The following CFAP20DC variants were observed in gnomAD, a reference collection of about 807,000 sequenced individuals.
The protein encoded by CFAP20DC is CFAP20 domain containing.
In CFAP20DC, 84 loss-of-function variants were observed where a neutral mutation model predicts 101.7. The ratio of observed to expected loss-of-function variants is 0.83; its 90% CI spans 0.69 to 0.99. The LOEUF (loss-of-function observed/expected upper bound fraction) is 0.99. CFAP20DC is among the 50% of genes least tolerant of loss of function. CFAP20DC has a pLI of 0.00. For missense variants in CFAP20DC, 1,007 were observed against 970.3 expected (o/e 1.04, Z -0.50); for synonymous variants, 359 against 351.2 (o/e 1.02, Z -0.25).
At position 58,884,654 on chromosome 3, in the gene CFAP20DC, G is replaced by A; in HGVS notation, c.606C>T (p.Ser202=). ...TDEPTDIIPR[S]CQLMTDVPHV... is the part of the protein sequence containing the mutation. ...GTGGAACATCTGTCATTAGTTGACA[G>A]CTTCGTGGTATAATATCTGTAGGCT... Residue 202 remains serine, a synonymous_variant, in exon 7 of 17, where the codon AGC becomes AGT. Transcript: ENST00000482387. The A allele has an allele frequency of 6.2e-7, 1 of 1,613,798 alleles. No homozygotes were observed. The highest frequency in any genetic ancestry group is 8.5e-7 in the Non-Finnish European group (1 of 1,179,686).
rs554867111 is a variant in CFAP20DC at position 58,884,807 on chromosome 3, C to A, written c.551-98G>T. ...AATCAATTAAAATTAAAGATTTTAG[C>A]GTATGACTTTGTACGAGTTATTCAA... On this transcript the variant is annotated intron_variant, in intron 6 of 16. Transcript: ENST00000482387. The A allele has an allele frequency of 9.8e-6, 10 of 1,017,012 alleles. No individual in the cohort carries two copies. The African/African-American group carries it at 1.5e-4, about 15-fold the overall frequency. 63.0% of individuals were successfully genotyped at this position (1,017,012 alleles called of 1,614,324 possible). A position where few individuals can be genotyped will look rare whatever the true frequency, so the allele number is the denominator to read the frequency against.
At chr3:58,961,263 C>G (rs1011811954) in intron 4 of CFAP20DC, among the ~76,000 whole-genome samples, 1 of 152,142 alleles carries the variant, frequency 6.6e-6, no homozygotes, top group African/African-American at 2.4e-5. Flanking sequence ...ATGAATAAAA[C>G]TGTGCCTTGG....
At chr3:58,794,386 T>C (rs760344033) in intron 15 of CFAP20DC, 1 of 453,250 alleles carries the variant, frequency 2.2e-6, no homozygotes, top group Non-Finnish European at 4.5e-6. Flanking sequence ...ATAGTGTTAA[T>C]TCAGTCAAAT....
intron 4 of CFAP20DC, among the ~76,000 whole-genome samples, chr3:58,996,773 A>T (rs2093148319): frequency 6.6e-6 from 1 of 152,236 alleles, no homozygotes; most frequent in Non-Finnish European, 1.5e-5. Flanking sequence ...TTGTGGCCCA[A>T]GTTCCTTATC....
At chr3:58,811,922 G>C (rs534084758) in intron 14 of CFAP20DC, among the ~76,000 whole-genome samples, 3 of 152,084 alleles carry the variant, frequency 2.0e-5, no homozygotes, top group Non-Finnish European at 4.4e-5. Context: ...TCTCAAAAGA[G>C]ACATTTATGC....
intron 3 of CFAP20DC, among the ~76,000 whole-genome samples, chr3:58,733,522 C>A (rs1228696483): frequency 6.6e-6 from 1 of 152,102 alleles, no homozygotes; most frequent in East Asian, 1.9e-4. Flanking sequence ...AAAAAAAACC[C>A]TTTAACATAC....
At chr3:58,954,188 T>C (rs1453598257) in intron 4 of CFAP20DC, among the ~76,000 whole-genome samples, 1 of 152,192 alleles carries the variant, frequency 6.6e-6, no homozygotes, top group Non-Finnish European at 1.5e-5. Flanking sequence ...ATTGACAGTT[T>C]TTTTCCACAA....
intron 4 of CFAP20DC, among the ~76,000 whole-genome samples, chr3:58,980,524 A>T (rs1053523027): frequency 2.0e-5 from 3 of 152,210 alleles, no homozygotes; most frequent in African/African-American, 7.2e-5. Context: ...AGTGGGCTTC[A>T]TCCCTGGGAT....
chr3:58,934,266 T>G (rs2087184594), intron 5 of CFAP20DC, among the ~76,000 whole-genome samples: 1 of 152,150 alleles, frequency 6.6e-6, no homozygotes, highest in East Asian at 1.9e-4. Flanking sequence ...GCTCTGAAAT[T>G]GTGGCAATAA....
chr3:58,852,294 C>G (rs990544281), intron 12 of CFAP20DC, among the ~76,000 whole-genome samples: 1 of 151,936 alleles, frequency 6.6e-6, no homozygotes, highest in African/African-American at 2.4e-5. Flanking sequence ...GCTAACTATC[C>G]TAAATATATA....
intron 14 of CFAP20DC, among the ~76,000 whole-genome samples, chr3:58,820,381 T>C (rs1289224953): frequency 2.0e-5 from 3 of 150,632 alleles, no homozygotes; most frequent in South Asian, 2.1e-4. Flanking sequence ...CATGATTGTA[T>C]ATCTAGAAAA....
At position 58,724,085 on chromosome 3, in the gene CFAP20DC, G is replaced by A. The variant is rs533794481; in HGVS notation, c.198-6457C>T. ...TGCTGAGGTTTAATCCCTTTGAAAG[G>A]AGGGTGCTCCATGCTGTGGAGGGGC... On this transcript the variant is annotated intron_variant, in intron 3 of 3. Coordinates refer to the CFAP20DC transcript ENST00000486145. The surrounding 1 kb of genome is among the most constrained non-coding windows in gnomAD (Gnocchi z 5.6). Among the ~76,000 whole-genome samples, 1 of 152,284 alleles carries A rather than the reference G, an allele frequency of 6.6e-6. No individual in the cohort carries two copies. Among genetic ancestry groups the A allele is most frequent in the South Asian group, 2.1e-4 (1 of 4,816 alleles).
In CFAP20DC at chr3:58,867,934, C is replaced by G; in HGVS notation, c.1018G>C (p.Ala340Pro). Residue 340 changes from alanine (A) to proline (P), a missense_variant and splice_region_variant, in exon 10 of 17, where the codon GCC becomes CCC. By Grantham distance (27) the Ala-to-Pro change is conservative. Transcript: ENST00000482387. ...QIKQTVPIHA[A>P]NLHIMHPHPP... is the part of the protein sequence containing the mutation. ...TGCGGATGCATAATATGTAGATTGG[C>G]TGCTACATTTTCATATCAAAGCACA... 6.2e-7 allele frequency: 1 copy of G among 1,604,450 alleles called. No homozygotes were observed. Among genetic ancestry groups the G allele is most frequent in the Non-Finnish European group, 8.5e-7 (1 of 1,175,984 alleles).
intron 15 of CFAP20DC, among the ~76,000 whole-genome samples, chr3:58,768,173 G>A (rs1277059608): frequency 4.6e-5 from 7 of 152,136 alleles, no homozygotes; most frequent in Admixed American, 6.6e-5. Context: ...AGGGCCAGCT[G>A]CTGTGCTTCC....
intron 4 of CFAP20DC, among the ~76,000 whole-genome samples, chr3:59,032,353 T>C (rs2094011118): frequency 6.6e-6 from 1 of 151,552 alleles, no homozygotes; most frequent in African/African-American, 2.4e-5. Context: ...GACAGAACCA[T>C]TCACTCCCCG....
chr3:59,045,195 T>C (rs1462092969), intron 3 of CFAP20DC, among the ~76,000 whole-genome samples: 1 of 152,080 alleles, frequency 6.6e-6, no homozygotes, highest in African/African-American at 2.4e-5. Context: ...GTTTATGTCT[T>C]AGAAATCTAA....
At chr3:59,008,642 T>C (rs569408844) in intron 4 of CFAP20DC, among the ~76,000 whole-genome samples, 2 of 151,150 alleles carry the variant, frequency 1.3e-5, no homozygotes, top group East Asian at 3.9e-4. Context: ...TTCTCACTCA[T>C]AGGTGGGAAT....
At chr3:58,929,089 C>T (rs968978290) in intron 5 of CFAP20DC, among the ~76,000 whole-genome samples, 3 of 152,150 alleles carry the variant, frequency 2.0e-5, no homozygotes, top group East Asian at 3.8e-4. Context: ...ACTGTAAACA[C>T]GTAACACACA....
At chr3:58,998,622 G>A (rs1390842299) in intron 4 of CFAP20DC, among the ~76,000 whole-genome samples, 2 of 152,166 alleles carry the variant, frequency 1.3e-5, no homozygotes, top group East Asian at 1.9e-4. Context: ...CTTTGTGGAG[G>A]AGGATATAGC....
Sources: allele counts gnomAD v4.1 joint callset (sites outside exome capture counted in the v4.1 genomes callset), GRCh38; gene constraint gnomAD v4.1.1; non-coding constraint Gnocchi (gnomAD v3.1); transcripts MANE v1.5; gene names NCBI Gene and HGNC (gene_info 2026-07-23, HGNC 2026-07-21).